Variants in ALG14 observed in about 807,000 individuals in gnomAD.
The protein encoded by ALG14 is UDP-N-acetylglucosamine transferase subunit ALG14.
A neutral mutation model predicts 22.8 loss-of-function variants in ALG14; 17 were observed. The observed-to-expected ratio is 0.75, with a 90% CI of 0.51 to 1.12. The LOEUF is 1.12. Ranked by LOEUF, ALG14 falls within the 50% of genes most tolerant of loss-of-function variation. The pLI, the probability that ALG14 is intolerant of heterozygous loss-of-function variation, is 0.00. For missense variants in ALG14, 288 were observed against 271.8 expected (o/e 1.06, Z -0.42); for synonymous variants, 89 against 103.7 (o/e 0.86, Z 0.86).
rs1672420775 is a variant in ALG14, at chr1:94,977,558, C to A, written c.*5518G>T. 6.6e-6 allele frequency: 1 copy of A among 152,132 alleles called. No individual in the cohort carries two copies. Among genetic ancestry groups the A allele is most frequent in the Admixed American group, 6.5e-5 (1 of 15,286 alleles). 9.4% of individuals were successfully genotyped at this position (152,132 alleles called of 1,614,324 possible). A position where few individuals can be genotyped will look rare whatever the true frequency, so the allele number is the denominator to read the frequency against. On this transcript the variant is annotated 3_prime_UTR_variant, in exon 4 of 4. Transcript: ENST00000370205. Reference sequence around the variant, plus strand: ...GTTCTGACAGCCAGTGGAATATGTCCTTTTATATTCTTGCGTTTAAAATTT... The same window carrying A: ...GTTCTGACAGCCAGTGGAATATGTCATTTTATATTCTTGCGTTTAAAATTT...
chr1:95,002,727 T>G (rs1237908667), intron 3 of ALG14, among the ~76,000 whole-genome samples: 1 of 152,208 alleles, frequency 6.6e-6, no homozygotes, highest in Non-Finnish European at 1.5e-5. Flanking sequence ...CGATAGTATC[T>G]ACTGCTCCTT....
chr1:95,056,020 A>C (rs1400836489), intron 2 of ALG14, among the ~76,000 whole-genome samples: 3 of 150,642 alleles, frequency 2.0e-5, no homozygotes, highest in South Asian at 4.2e-4. Flanking sequence ...AAAAAAAAAA[A>C]ACAAAACAAA....
At chr1:94,990,320 G>T (rs2100719353) in intron 3 of ALG14, among the ~76,000 whole-genome samples, 1 of 152,294 alleles carries the variant, frequency 6.6e-6, no homozygotes, top group South Asian at 2.1e-4. Context: ...AGATGGGGAT[G>T]ACGTATTTGC....
chr1:95,063,128 C>G (rs769469013), intron 2 of ALG14, among the ~76,000 whole-genome samples: 8 of 152,088 alleles, frequency 5.3e-5, no homozygotes, highest in African/African-American at 1.9e-4. Context: ...ATGTCCTTTG[C>G]CCACTTTTTA....
intron 3 of ALG14, chr1:95,022,184 C>T (rs1238663263): frequency 2.7e-6 from 1 of 369,736 alleles, no homozygotes; most frequent in Admixed American, 6.4e-5. Context: ...CGAATCAAAA[C>T]AACTCAAAGC....
chr1:95,055,828 TAAAAAAA>T (rs35131311), intron 2 of ALG14, among the ~76,000 whole-genome samples: 2 of 33,018 alleles, frequency 6.1e-5, no homozygotes, highest in Admixed American at 1.0e-3. Flanking sequence ...CCGTCTCTAC[TAAAAAAA>T]AAAAAAAAAA....
intron 3 of ALG14, among the ~76,000 whole-genome samples, chr1:94,989,410 T>C (rs920099730): frequency 2.4e-4 from 37 of 152,198 alleles, no homozygotes; most frequent in Non-Finnish European, 8.8e-5. Context: ...GAGTATGAGC[T>C]GTGGTTGCAG....
At chr1:94,996,250 G>A (rs559412414) in intron 3 of ALG14, among the ~76,000 whole-genome samples, 1 of 152,314 alleles carries the variant, frequency 6.6e-6, no homozygotes, top group South Asian at 2.1e-4. Flanking sequence ...AAGCTCTCAG[G>A]TGATTCTGGT....
chr1:95,050,156 C>T (rs188088988), intron 2 of ALG14, among the ~76,000 whole-genome samples: 8 of 152,230 alleles, frequency 5.3e-5, no homozygotes, highest in Admixed American at 1.3e-4. Flanking sequence ...GCGTTCCGAG[C>T]GATATGGATG....
intron 2 of ALG14, among the ~76,000 whole-genome samples, chr1:95,033,668 C>T (rs571253985): frequency 1.3e-5 from 2 of 151,908 alleles, no homozygotes; most frequent in Non-Finnish European, 2.9e-5. Flanking sequence ...TTGCCAGGGA[C>T]CGAAAGGAGA....
rs564737036 is a variant in ALG14, at chr1:95,055,718, T to A, written c.288+9148A>T. Among the ~76,000 whole-genome samples the A allele has an allele frequency of 2.1e-5, 3 of 145,548 alleles. No homozygotes were observed. The South Asian group carries it at 6.6e-4, about 32-fold the overall frequency. On this transcript the variant is annotated intron_variant, in intron 2 of 3. Transcript: ENST00000370205. ...GAAAAATTAAAACACCTCGGCCGGG[T>A]GTGGTGGCTCACACCTGTAATCCCA...
chr1:95,013,233 G>T (rs1673416693), intron 3 of ALG14, among the ~76,000 whole-genome samples: 1 of 151,890 alleles, frequency 6.6e-6, no homozygotes, highest in Non-Finnish European at 1.5e-5. Flanking sequence ...CTAGTGCAGG[G>T]TAACAAGCTG....
At chr1:94,988,627 AC>A (rs1672697734) in intron 3 of ALG14, among the ~76,000 whole-genome samples, 2 of 152,336 alleles carry the variant, frequency 1.3e-5, no homozygotes, top group South Asian at 4.1e-4. Flanking sequence ...GTGAACATAA[AC>A]ATCAGTGAGA....
chr1:95,070,764 C>G (rs1243524381), intron 1 of ALG14, among the ~76,000 whole-genome samples: 1 of 152,122 alleles, frequency 6.6e-6, no homozygotes, highest in African/African-American at 2.4e-5. Context: ...GAGACAGGGT[C>G]TCACTCTGTC....
chr1:95,068,660 T>C (rs1248455644), intron 1 of ALG14, among the ~76,000 whole-genome samples: 2 of 152,190 alleles, frequency 1.3e-5, no homozygotes, highest in Non-Finnish European at 2.9e-5. Context: ...TGAAAATGCC[T>C]TCTGCCTCCT....
intron 3 of ALG14, among the ~76,000 whole-genome samples, chr1:95,009,720 TATA>T (rs1318149848): frequency 1.3e-5 from 2 of 152,150 alleles, no homozygotes; most frequent in Non-Finnish European, 2.9e-5. Context: ...AACAACTAAA[TATA>T]ATGTGGATTC....
intron 3 of ALG14, among the ~76,000 whole-genome samples, chr1:94,999,523 C>A (rs1175978002): frequency 6.6e-6 from 1 of 152,078 alleles, no homozygotes; most frequent in Non-Finnish European, 1.5e-5. Context: ...CTTTTCCCTC[C>A]TCTCTCACTC....
At chr1:95,025,306 T>A (rs901363656) in intron 3 of ALG14, among the ~76,000 whole-genome samples, 1 of 152,180 alleles carries the variant, frequency 6.6e-6, no homozygotes, top group Non-Finnish European at 1.5e-5. Flanking sequence ...CAACAGTGGG[T>A]TTAAAATATT....
At chr1:94,993,456 G>T (rs1016241696) in intron 3 of ALG14, among the ~76,000 whole-genome samples, 1 of 145,872 alleles carries the variant, frequency 6.9e-6, no homozygotes, top group African/African-American at 2.5e-5. Context: ...AATATATAAA[G>T]ATATTTGTAA....
Sources: gnomAD v4.1 joint callset for allele counts (sites outside exome capture counted in the v4.1 genomes callset) on GRCh38, gnomAD v4.1.1 for gene constraint, MANE v1.5 for transcripts, NCBI Gene and HGNC (gene_info 2026-07-23, HGNC 2026-07-21) for gene names.